The following FBXL7 variants were observed in gnomAD, a reference collection of about 807,000 sequenced individuals.
FBXL7 encodes F-box/LRR-repeat protein 7.
FBXL7 carries 12 observed loss-of-function variants against 38.3 expected under a neutral mutation model. That is an observed-to-expected ratio of 0.31 (90% CI 0.20 to 0.51). The LOEUF is 0.51. Among genes scored for constraint, FBXL7 ranks in the 20% least tolerant of loss-of-function variants. The probability of loss-of-function intolerance (pLI) is 0.98; values close to 1 mark genes in which losing one functional copy is unlikely to be tolerated. For synonymous variants in FBXL7, 297 were observed against 300.9 expected (o/e 0.99, Z 0.13); for missense variants, 567 against 676.4 (o/e 0.84, Z 1.79).
chr5:15,591,028 A>C (rs1318777233), intron 1 of FBXL7, among the ~76,000 whole-genome samples: 1 of 152,176 alleles, frequency 6.6e-6, no homozygotes, highest in Non-Finnish European at 1.5e-5. Context: ...TGCCCTTTTT[A>C]TTCCCATAGT....
intron 2 of FBXL7, among the ~76,000 whole-genome samples, chr5:15,866,873 G>A (rs554333770): frequency 1.3e-5 from 2 of 152,030 alleles, no homozygotes; most frequent in South Asian, 2.1e-4. Context: ...AGTCTTCCAT[G>A]GTGTATATGT....
intron 1 of FBXL7, among the ~76,000 whole-genome samples, chr5:15,506,809 C>G (rs149715159): frequency 1.3e-5 from 2 of 151,874 alleles, no homozygotes; most frequent in East Asian, 3.9e-4. Flanking sequence ...CTACAGGCCC[C>G]ACCTCCAAAT....
At chr5:15,809,905 T>A (rs1161831774) in intron 2 of FBXL7, among the ~76,000 whole-genome samples, 1 of 152,208 alleles carries the variant, frequency 6.6e-6, no homozygotes, top group South Asian at 2.1e-4. Context: ...AATCCTGACA[T>A]TTTTCCCTAA....
intron 2 of FBXL7, among the ~76,000 whole-genome samples, chr5:15,676,766 G>A (rs1359714076): frequency 6.6e-6 from 1 of 152,206 alleles, no homozygotes; most frequent in Non-Finnish European, 1.5e-5. Flanking sequence ...ACTTTCTTGA[G>A]CATTTGAAGC....
At chr5:15,885,681 G>A (rs890384183) in intron 2 of FBXL7, among the ~76,000 whole-genome samples, 1 of 152,014 alleles carries the variant, frequency 6.6e-6, no homozygotes, top group Non-Finnish European at 1.5e-5. Flanking sequence ...AGTCGCACTG[G>A]GCAAGTTAAA....
chr5:15,874,919 A>T (rs2126305505), intron 2 of FBXL7, among the ~76,000 whole-genome samples: 1 of 152,328 alleles, frequency 6.6e-6, no homozygotes, highest in South Asian at 2.1e-4. Flanking sequence ...CCTACTTTAA[A>T]TTTCATATGG....
At chr5:15,661,651 G>A (rs1476237087) in intron 2 of FBXL7, among the ~76,000 whole-genome samples, 1 of 152,110 alleles carries the variant, frequency 6.6e-6, no homozygotes, top group Non-Finnish European at 1.5e-5. Flanking sequence ...ACACATGTGT[G>A]AAACCCAGTA....
At chr5:15,784,161 T>G (rs974863687) in intron 2 of FBXL7, among the ~76,000 whole-genome samples, 2 of 152,102 alleles carry the variant, frequency 1.3e-5, no homozygotes, top group African/African-American at 4.8e-5. Context: ...AGTAGTGTAG[T>G]GCTTCATGAA....
chr5:15,642,817 C>A (rs549053591), intron 2 of FBXL7, among the ~76,000 whole-genome samples: 2 of 152,278 alleles, frequency 1.3e-5, no homozygotes, highest in East Asian at 3.9e-4. Context: ...TCCTAAAATT[C>A]TTACATCCCA....
At chr5:15,657,127 T>G (rs2126578750) in intron 2 of FBXL7, among the ~76,000 whole-genome samples, 1 of 152,296 alleles carries the variant, frequency 6.6e-6, no homozygotes, top group African/African-American at 2.4e-5. Context: ...TAGGAAAACT[T>G]AATGTTATAA....
intron 2 of FBXL7, among the ~76,000 whole-genome samples, chr5:15,645,243 C>T (rs890962609): frequency 1.2e-4 from 18 of 152,260 alleles, no homozygotes; most frequent in Admixed American, 1.1e-3. Flanking sequence ...ACCCCCAAAT[C>T]GCTAAGCTAA....
intron 2 of FBXL7, among the ~76,000 whole-genome samples, chr5:15,766,346 C>A (rs1376119993): frequency 6.6e-6 from 1 of 152,170 alleles, no homozygotes; most frequent in African/African-American, 2.4e-5. Context: ...GTCTTCCCAC[C>A]TGCGCACTGA....
intron 1 of FBXL7, among the ~76,000 whole-genome samples, chr5:15,535,893 G>C (rs1737570386): frequency 6.6e-6 from 1 of 152,240 alleles, no homozygotes; most frequent in Admixed American, 6.5e-5. Context: ...TGTCTCCAGG[G>C]CATTTCAGAT....
At chr5:15,764,183 T>C (rs1160296049) in intron 2 of FBXL7, among the ~76,000 whole-genome samples, 2 of 152,334 alleles carry the variant, frequency 1.3e-5, no homozygotes, top group East Asian at 3.9e-4. Flanking sequence ...TGAGTATCAA[T>C]ATGTTGTTGG....
rs1338943168 is a variant in FBXL7, at chr5:15,624,053, TTACTG to T, written c.127+7986_127+7990del. 1.1e-4 allele frequency among the ~76,000 whole-genome samples: 17 copies of T among 152,360 alleles called. No individual in the cohort carries two copies. In the South Asian group the frequency reaches 3.5e-3, roughly 32 times the overall value. On this transcript the variant is annotated intron_variant, in intron 2 of 3. Transcript: ENST00000504595. Reference sequence around the variant, plus strand: ...TCTAAGTTCCTATCAAAGTATATTTTTACTGTACTTAGGAGAAGTGTGTTTTCCAA... The same window carrying T: ...TCTAAGTTCCTATCAAAGTATATTTTTACTTAGGAGAAGTGTGTTTTCCAA...
intron 2 of FBXL7, among the ~76,000 whole-genome samples, chr5:15,629,944 A>G (rs896576525): frequency 6.6e-6 from 1 of 152,176 alleles, no homozygotes; most frequent in African/African-American, 2.4e-5. Flanking sequence ...GTTACTGCTT[A>G]TGGAAACTTG....
At position 15,816,338 on chromosome 5, in the gene FBXL7, A is replaced by G. The variant is rs542106021; in HGVS notation, c.128-111552A>G. ...GAAAAGAACAAAGTAAGTCTTTTGC[A>G]GCAACTTGGATGGAGCTGAAAGCCA... is the stretch of plus-strand genomic sequence containing the variant. On this transcript the variant is annotated intron_variant, in intron 2 of 3. Coordinates refer to ENST00000504595, the MANE Select transcript of FBXL7 (RefSeq NM_012304.5). Among the ~76,000 whole-genome samples, 7 of 152,282 alleles carry G rather than the reference A, an allele frequency of 4.6e-5. No homozygotes were observed. In the East Asian group the frequency reaches 1.4e-3, roughly 29 times the overall value.
At chr5:15,826,749 G>T (rs1053289635) in intron 2 of FBXL7, among the ~76,000 whole-genome samples, 6 of 152,198 alleles carry the variant, frequency 3.9e-5, no homozygotes, top group South Asian at 4.1e-4. Context: ...CTTTGTCTTT[G>T]CTCCATGCAA....
chr5:15,895,633 C>CTTTTTTTT (rs903652361), intron 2 of FBXL7, among the ~76,000 whole-genome samples: 4 of 98,076 alleles, frequency 4.1e-5, no homozygotes, highest in African/African-American at 4.2e-5. Flanking sequence ...CTTTTTCATA[C>CTTTTTTTT]TTTTTTTTTT....
Sources: gnomAD v4.1 joint callset for allele counts (sites outside exome capture counted in the v4.1 genomes callset) on GRCh38, gnomAD v4.1.1 for gene constraint, MANE v1.5 for transcripts, NCBI Gene and HGNC (gene_info 2026-07-23, HGNC 2026-07-21) for gene names.